The following PIH1D2 variants were observed in gnomAD, a reference collection of about 807,000 sequenced individuals.
PIH1D2 encodes the protein PIH1 domain-containing protein 2.
Under a neutral mutation model 31.2 loss-of-function variants are expected in PIH1D2, and 25 were observed. The ratio of observed to expected loss-of-function variants is 0.80; its 90% confidence interval spans 0.58 to 1.12. The LOEUF (loss-of-function observed/expected upper bound fraction) is 1.12. PIH1D2 is among the 50% of genes most tolerant of loss of function. PIH1D2 has a pLI of 0.00. For missense variants in PIH1D2, 310 were observed against 356.6 expected, an observed-to-expected ratio of 0.87 and a Z score of 1.05; for synonymous variants, 116 against 119.9, an observed-to-expected ratio of 0.97 and a Z score of 0.21.
chr11:112,068,130 C>T (rs1555184090), intron 5 of PIH1D2, 125 bp from the exon 6 acceptor site: 5 of 635,642 alleles, frequency 7.9e-6, no homozygotes, highest in African/African-American at 1.9e-5. Context: ...TTGGAATGAG[C>T]AAAAAATTAC....
At position 112,071,638 on chromosome 11, in the gene PIH1D2, AT is replaced by A. The variant is rs1566658028; in HGVS notation, c.297del (p.Ser100GlnfsTer24). 1 of 1,613,398 alleles carries A rather than the reference AT, an allele frequency of 6.2e-7. No individual in the cohort carries two copies. Among genetic ancestry groups the A allele is most frequent in the Non-Finnish European group, 8.5e-7 (1 of 1,179,410 alleles). On this transcript the variant is annotated frameshift_variant, in exon 3 of 6. Coordinates refer to ENST00000280350, the MANE Select transcript of PIH1D2 (RefSeq NM_138789.4). LOFTEE classifies it high-confidence loss of function. Reference protein sequence around the residue: ...TVGKPEDTTEISDAYTVIDVA... With the variant: ...TVGKPEDTTEXSDAYTVIDVA... ...GCTTTCTCTCAATTATTTGTACCTG[AT>A]ATCTCAGTTGTATCTTCTGGTTTGC...
At chr11:112,072,830 C>T in intron 2 of PIH1D2, 168 bp downstream of exon 2, 2 of 751,372 alleles carry the variant, frequency 2.7e-6, no homozygotes, top group African/African-American at 3.6e-5. Context: ...CACCATTGCA[C>T]TCCAGCCTGG....
At chr11:112,058,336 C>T (rs369902458), downstream of PIH1D2, among the ~76,000 whole-genome samples, 30 of 152,148 alleles carry the variant, frequency 2.0e-4, no homozygotes, top group East Asian at 5.8e-4. Flanking sequence ...GAGTCATACA[C>T]GGTATTTTTA....
chr11:112,072,586 A>G (rs1473557845), intron 2 of PIH1D2, among the ~76,000 whole-genome samples: 1 of 129,744 alleles, frequency 7.7e-6, no homozygotes, highest in Non-Finnish European at 1.6e-5. Flanking sequence ...AAAGTCTGCC[A>G]GGCGCAGTGG....
chr11:112,057,959 C>CTA, the PIH1D2 span, among the ~76,000 whole-genome samples: 1 of 152,174 alleles, frequency 6.6e-6, no homozygotes, highest in African/African-American at 2.4e-5. Flanking sequence ...TAGTAGACAA[C>CTA]AGTGTAGTGT....
chr11:112,058,359 C>T (rs1012702851), downstream of PIH1D2, among the ~76,000 whole-genome samples: 9 of 152,080 alleles, frequency 5.9e-5, no homozygotes, highest in Non-Finnish European at 1.3e-4. Flanking sequence ...AGAGCAGGTT[C>T]CTGTGTTTGT....
the PIH1D2 span, among the ~76,000 whole-genome samples, chr11:112,056,885 G>A: frequency 2.6e-5 from 4 of 152,206 alleles, no homozygotes; most frequent in East Asian, 1.9e-4. Context: ...AGAGTATCTC[G>A]CTTTATTGCA....
At chr11:112,064,890 G>T (rs909287089), downstream of PIH1D2, among the ~76,000 whole-genome samples, 1 of 149,710 alleles carries the variant, frequency 6.7e-6, no homozygotes. Flanking sequence ...GCCCAGGCTG[G>T]AGTCCAGTGG....
chr11:112,057,728 A>G, the PIH1D2 span, among the ~76,000 whole-genome samples: 1 of 152,322 alleles, frequency 6.6e-6, no homozygotes, highest in Admixed American at 6.5e-5. Context: ...CCATAATAAC[A>G]TAAAAGTACA....
downstream of PIH1D2, among the ~76,000 whole-genome samples, chr11:112,061,950 T>A (rs187592269): frequency 1.5e-4 from 23 of 152,256 alleles, no homozygotes; most frequent in Non-Finnish European, 2.4e-4. Flanking sequence ...TATATATATA[T>A]AAAAAATACG....
intron 5 of PIH1D2, chr11:112,070,185 G>A: frequency 1.7e-6 from 1 of 593,582 alleles, no homozygotes. Flanking sequence ...GGCCAGTGGA[G>A]CGTGAGTAGA....
downstream of PIH1D2, chr11:112,063,953 C>A: frequency 2.4e-6 from 1 of 425,168 alleles, no homozygotes; most frequent in Non-Finnish European, 4.1e-6. Context: ...TTAAGTGTTT[C>A]AGTGTTGAAT....
downstream of PIH1D2, chr11:112,059,863 TAAAC>T (rs1864445062): frequency 6.6e-7 from 1 of 1,508,604 alleles, no homozygotes. Context: ...AGGCTCTTAA[TAAAC>T]AGTTTTTTAT....
At chr11:112,060,322 G>A (rs1208464626), downstream of PIH1D2, among the ~76,000 whole-genome samples, 2 of 151,154 alleles carry the variant, frequency 1.3e-5, no homozygotes, top group Non-Finnish European at 2.9e-5. Flanking sequence ...CACCACGCCC[G>A]GCTAGTTTTT....
downstream of PIH1D2, chr11:112,059,997 A>G: frequency 6.2e-7 from 1 of 1,614,048 alleles, no homozygotes; most frequent in Non-Finnish European, 8.5e-7. Flanking sequence ...AGTGGAAACC[A>G]TTGCTAATGA....
chr11:112,061,285 C>T, downstream of PIH1D2: 1 of 1,126,634 alleles, frequency 8.9e-7, no homozygotes, highest in South Asian at 1.3e-5. Flanking sequence ...ATATCGTGAT[C>T]CACAATGCTC....
downstream of PIH1D2, chr11:112,062,769 T>G (rs184580509): frequency 8.2e-6 from 4 of 485,560 alleles, no homozygotes; most frequent in Admixed American, 9.7e-5. Flanking sequence ...TACTCCTAAT[T>G]AAGGGACATG....
downstream of PIH1D2, chr11:112,061,533 T>A (rs1864624460): frequency 3.8e-6 from 1 of 266,512 alleles, no homozygotes; most frequent in East Asian, 9.9e-5. Flanking sequence ...AACCCATGGA[T>A]ATATGGAGGG....
chr11:112,067,516 A>G (rs1262094851), downstream of PIH1D2, among the ~76,000 whole-genome samples: 1 of 149,186 alleles, frequency 6.7e-6, no homozygotes, highest in East Asian at 2.0e-4. Context: ...ATACAAAAAA[A>G]TAGCTGGGCG....
Sources: allele counts gnomAD v4.1 joint callset (sites outside exome capture counted in the v4.1 genomes callset), GRCh38; gene constraint gnomAD v4.1.1; transcripts MANE v1.5; gene names NCBI Gene and HGNC (gene_info 2026-07-23, HGNC 2026-07-21).